The following NKAIN2 variants were observed in gnomAD, a reference collection of about 807,000 sequenced individuals.
The protein encoded by NKAIN2 is sodium/potassium transporting ATPase interacting 2.
Under a neutral mutation model 32.6 loss-of-function variants are expected in NKAIN2, and 14 were observed. The ratio of observed to expected loss-of-function variants is 0.43; its 90% CI spans 0.28 to 0.67. NKAIN2 has a LOEUF of 0.67. NKAIN2 is among the 30% of genes least tolerant of loss of function. The pLI is 0.17. For missense variants in NKAIN2, 198 were observed against 258.3 expected, an observed-to-expected ratio of 0.77 and a Z score of 1.60; for synonymous variants, 80 against 87.2, an observed-to-expected ratio of 0.92 and a Z score of 0.46.
At position 124,229,483 on chromosome 6, in the gene NKAIN2, GAT is replaced by G. The variant is rs201364449; in HGVS notation, c.55-53520_55-53519del. ...TCACATATTTCCAAGTATTTTCAAA[GAT>G]AGATAGATAGATAGACAGATAGATA... On this transcript the variant is annotated intron_variant, in intron 1 of 6. Coordinates refer to ENST00000368417, the MANE Select transcript of NKAIN2 (RefSeq NM_001040214.3). 7.3e-4 allele frequency among the ~76,000 whole-genome samples: 102 copies of G among 138,930 alleles called. 1 individual carries two copies. The East Asian group carries it at 0.017, about 23-fold the overall frequency. 91.1% of individuals were successfully genotyped at this position (138,930 alleles called of 152,430 possible).
At chr6:124,089,699 G>A (rs1046150029) in intron 1 of NKAIN2, among the ~76,000 whole-genome samples, 7 of 151,960 alleles carry the variant, frequency 4.6e-5, no homozygotes, top group Non-Finnish European at 1.0e-4. Flanking sequence ...TTGTTCATTT[G>A]TCTGGATTTT....
chr6:124,592,678 C>G (rs1781952621), intron 3 of NKAIN2, among the ~76,000 whole-genome samples: 1 of 152,162 alleles, frequency 6.6e-6, no homozygotes, highest in South Asian at 2.1e-4. Flanking sequence ...GGACCCAAAC[C>G]ATGCTAACAA....
chr6:123,837,086 C>T (rs1180039282), intron 1 of NKAIN2, among the ~76,000 whole-genome samples: 7 of 152,026 alleles, frequency 4.6e-5, no homozygotes, highest in Admixed American at 3.9e-4. Context: ...TGAAATCACC[C>T]ATATTTTGTT....
At chr6:124,437,654 CT>C (rs1775506492) in intron 3 of NKAIN2, among the ~76,000 whole-genome samples, 1 of 152,092 alleles carries the variant, frequency 6.6e-6, no homozygotes, top group African/African-American at 2.4e-5. Context: ...CCCCATAAAG[CT>C]CACAGTCTAA....
intron 4 of NKAIN2, among the ~76,000 whole-genome samples, chr6:124,782,402 T>C (rs1413228546): frequency 1.3e-5 from 2 of 152,120 alleles, no homozygotes; most frequent in African/African-American, 4.8e-5. Context: ...TTAACGTAGT[T>C]TTAGCCCCTT....
intron 1 of NKAIN2, among the ~76,000 whole-genome samples, chr6:124,073,462 G>A (rs1220057998): frequency 6.6e-6 from 1 of 152,092 alleles, no homozygotes; most frequent in African/African-American, 2.4e-5. Flanking sequence ...CCTAATTAGT[G>A]CTAGGAACAA....
intron 1 of NKAIN2, among the ~76,000 whole-genome samples, chr6:124,192,764 T>TA (rs1386129874): frequency 1.7e-4 from 25 of 145,418 alleles, no homozygotes; most frequent in African/African-American, 6.3e-4. Context: ...TTTTTTTTTT[T>TA]TTTGAGACAG....
At chr6:124,183,573 G>A (rs1426709237) in intron 1 of NKAIN2, among the ~76,000 whole-genome samples, 30 of 151,952 alleles carry the variant, frequency 2.0e-4, no homozygotes, top group Admixed American at 2.0e-3. Flanking sequence ...TAATTTCCAT[G>A]TTAATGTTTA....
intron 3 of NKAIN2, among the ~76,000 whole-genome samples, chr6:124,432,606 C>T (rs1775265180): frequency 1.3e-5 from 2 of 151,872 alleles, no homozygotes; most frequent in South Asian, 4.2e-4. Flanking sequence ...AGACCTGACT[C>T]AAAAATCTAA....
At chr6:124,164,385 CAG>C (rs1582770540) in intron 1 of NKAIN2, among the ~76,000 whole-genome samples, 1 of 152,154 alleles carries the variant, frequency 6.6e-6, no homozygotes, top group East Asian at 1.9e-4. Context: ...AAACATCACA[CAG>C]AGTACTTCCT....
chr6:124,085,304 T>TA (rs1417012902), intron 1 of NKAIN2, among the ~76,000 whole-genome samples: 8 of 152,014 alleles, frequency 5.3e-5, no homozygotes, highest in South Asian at 2.1e-4. Context: ...AATTTTGGCT[T>TA]AAAAAATGAA....
chr6:123,919,709 C>A (rs1775660748), intron 1 of NKAIN2, among the ~76,000 whole-genome samples: 1 of 151,902 alleles, frequency 6.6e-6, no homozygotes, highest in East Asian at 1.9e-4. Flanking sequence ...TTTATAATGC[C>A]CCAGCATTTG....
At chr6:124,759,630 CACACACACACACACACACACACACA>C (rs1444181238) in intron 4 of NKAIN2, among the ~76,000 whole-genome samples, 25 of 140,754 alleles carry the variant, frequency 1.8e-4, no homozygotes, top group East Asian at 4.2e-4. Context: ...CACACACACA[CACACACACACACACACACACACACA>C]CCCCCTATCT....
At chr6:124,815,559 G>A (rs955314086) in intron 5 of NKAIN2, among the ~76,000 whole-genome samples, 9 of 151,640 alleles carry the variant, frequency 5.9e-5, no homozygotes, top group African/African-American at 2.2e-4. Flanking sequence ...CGTGAGCCAC[G>A]GCACCCAGCC....
chr6:124,142,252 T>G (rs755435581), intron 1 of NKAIN2, among the ~76,000 whole-genome samples: 44 of 152,170 alleles, frequency 2.9e-4, no homozygotes, highest in South Asian at 6.2e-4. Context: ...CTGCTGAAAT[T>G]CTTATATCTT....
intron 1 of NKAIN2, among the ~76,000 whole-genome samples, chr6:124,037,028 G>C (rs983793453): frequency 5.3e-5 from 8 of 152,102 alleles, no homozygotes; most frequent in African/African-American, 1.9e-4. Context: ...TGACAAGCCT[G>C]TGTCTAGTCC....
intron 4 of NKAIN2, among the ~76,000 whole-genome samples, chr6:124,711,903 TAG>T (rs1057158241): frequency 6.6e-6 from 1 of 152,126 alleles, no homozygotes; most frequent in Non-Finnish European, 1.5e-5. Flanking sequence ...CTCTGCGTTT[TAG>T]AGTTTCCAGT....
chr6:124,107,305 A>G (rs1267325405), intron 1 of NKAIN2, among the ~76,000 whole-genome samples: 2 of 152,158 alleles, frequency 1.3e-5, no homozygotes, highest in East Asian at 1.9e-4. Context: ...AAGGTGTTAC[A>G]TGACTTTACT....
intron 1 of NKAIN2, among the ~76,000 whole-genome samples, chr6:124,008,569 G>C (rs368278317): frequency 6.6e-6 from 1 of 152,074 alleles, no homozygotes; most frequent in African/African-American, 2.4e-5. Flanking sequence ...TGAGGCCTCC[G>C]AGAAGACCAG....
Sources: allele counts gnomAD v4.1 joint callset (sites outside exome capture counted in the v4.1 genomes callset), GRCh38; gene constraint gnomAD v4.1.1; transcripts MANE v1.5; gene names NCBI Gene and HGNC (gene_info 2026-07-23, HGNC 2026-07-21).